Variants in NASP observed in about 807,000 individuals in gnomAD.
NASP encodes NASP histone chaperone.
Under a neutral mutation model 89.5 loss-of-function variants are expected in NASP, and 24 were observed. The observed-to-expected ratio is 0.27, with a 90% CI of 0.19 to 0.38. The LOEUF is 0.38. Ranked by LOEUF, NASP falls within the 10% of genes least tolerant of loss-of-function variation. The probability of loss-of-function intolerance (pLI) is 1.00; values close to 1 mark genes in which losing one functional copy is unlikely to be tolerated. For missense variants in NASP, 848 were observed against 921.4 expected (o/e 0.92, Z 1.03); for synonymous variants, 306 against 324.7 (o/e 0.94, Z 0.62).
intron 12 of NASP, 89 bp from the exon 13 acceptor site, chr1:45,616,537 C>T: frequency 6.6e-7 from 1 of 1,515,832 alleles, no homozygotes; most frequent in East Asian, 2.3e-5. Context: ...ATAGTGAGAC[C>T]TTGTCTCTGA....
At chr1:45,585,082 A>G (rs1644511884) in intron 1 of NASP, among the ~76,000 whole-genome samples, 1 of 152,232 alleles carries the variant, frequency 6.6e-6, no homozygotes, top group Non-Finnish European at 1.5e-5. Flanking sequence ...GAAGTGGAGA[A>G]GGACTGGAGG....
chr1:45,587,795 G>A (rs1644578731), intron 1 of NASP, among the ~76,000 whole-genome samples: 1 of 150,606 alleles, frequency 6.6e-6, no homozygotes, highest in South Asian at 2.1e-4. Context: ...CGATTCTTGT[G>A]CATCAGCCTC....
At chr1:45,596,346 T>TA (rs933024427) in intron 2 of NASP, among the ~76,000 whole-genome samples, 3 of 152,190 alleles carry the variant, frequency 2.0e-5, no homozygotes, top group Non-Finnish European at 4.4e-5. Flanking sequence ...CTGAAACTAT[T>TA]ACCCAGTAAA....
In NASP at chr1:45,617,459, T is replaced by G; in HGVS notation, c.2158-4T>G. ...TTGTGAAGCCTTCACAATTATATCT[T>G]TAGAGGAAACCAGAGGAAGAGAGTC... On this transcript the variant is annotated splice_region_variant and splice_polypyrimidine_tract_variant and intron_variant, in intron 13 of 14. Transcript: ENST00000350030. The G allele has an allele frequency of 6.2e-7, 1 of 1,611,882 alleles. No individual in the cohort carries two copies. The highest frequency in any genetic ancestry group is 8.5e-7 in the Non-Finnish European group (1 of 1,179,468).
At chr1:45,613,460 C>CTGTA (rs1644051344) in intron 7 of NASP, among the ~76,000 whole-genome samples, 1 of 152,120 alleles carries the variant, frequency 6.6e-6, no homozygotes, top group African/African-American at 2.4e-5. Context: ...GTTTGCAGGA[C>CTGTA]TGTAGCTTAC....
rs757067875 is a variant in NASP at position 45,607,423 on chromosome 1, A to G, written c.512A>G (p.Asp171Gly). 8 of 1,613,962 alleles carry G rather than the reference A, an allele frequency of 5.0e-6. No homozygotes were observed. Among genetic ancestry groups the G allele is most frequent in the Non-Finnish European group, 6.8e-6 (8 of 1,179,962 alleles). The change falls in exon 6 of 15, where the codon GAT becomes GGT. Residue 171 changes from aspartate (D) to glycine (G), a missense_variant. Physicochemically the swap from Asp to Gly is moderately conservative, Grantham distance 94. Coordinates refer to ENST00000350030, the MANE Select transcript of NASP (RefSeq NM_002482.4). ...AAGTCTTTGGCAAAGCCTGAAACTG[A>G]TAAAGAACAGGACAGTGAAATGGAG... ...EDKSLAKPETDKEQDSEMEKG... is the reference protein window; with the variant it reads ...EDKSLAKPETGKEQDSEMEKG...
chr1:45,590,377 A>T (rs1361546330), intron 1 of NASP, among the ~76,000 whole-genome samples: 2 of 151,900 alleles, frequency 1.3e-5, no homozygotes, highest in African/African-American at 4.8e-5. Flanking sequence ...CCCTGTCTCT[A>T]CTAAAAATAC....
intron 3 of NASP, among the ~76,000 whole-genome samples, chr1:45,604,403 G>A (rs1409000774): frequency 1.3e-5 from 2 of 152,106 alleles, no homozygotes; most frequent in Non-Finnish European, 2.9e-5. Context: ...TTTAGTTCTT[G>A]CAATAGCTCT....
chr1:45,606,105 C>T (rs545449866), intron 4 of NASP, among the ~76,000 whole-genome samples: 36 of 152,260 alleles, frequency 2.4e-4, no homozygotes, highest in African/African-American at 7.7e-4. Context: ...CGTAATCATA[C>T]AGAACTTTCT....
chr1:45,599,774 ATCTT>A (rs776842137), intron 2 of NASP, among the ~76,000 whole-genome samples: 25 of 152,018 alleles, frequency 1.6e-4, no homozygotes, highest in Non-Finnish European at 2.9e-4. Context: ...TTCTTGTTCT[ATCTT>A]AAAGTCTATA....
At chr1:45,602,470 A>C in intron 3 of NASP, 105 bp downstream of exon 3, 2 of 1,105,536 alleles carry the variant, frequency 1.8e-6, no homozygotes, top group Non-Finnish European at 2.6e-6. Flanking sequence ...AGAGTTTTAA[A>C]ACATTTGATT....
intron 1 of NASP, among the ~76,000 whole-genome samples, chr1:45,585,548 A>G (rs1644521436): frequency 6.6e-6 from 1 of 152,200 alleles, no homozygotes; most frequent in Non-Finnish European, 1.5e-5. Context: ...CATTGATTCG[A>G]TATAAGCAGT....
chr1:45,612,962 A>G (rs1031703294), intron 6 of NASP: 23 of 550,428 alleles, frequency 4.2e-5, no homozygotes, highest in Non-Finnish European at 4.7e-5. Flanking sequence ...GGTCTGACCC[A>G]TAGACTAAGA....
At chr1:45,604,157 T>C (rs1016517446) in intron 3 of NASP, among the ~76,000 whole-genome samples, 2 of 152,202 alleles carry the variant, frequency 1.3e-5, no homozygotes, top group African/African-American at 4.8e-5. Flanking sequence ...CTAGTTACTC[T>C]CAATAGACTC....
In NASP at chr1:45,618,499, C is replaced by T. The variant is rs1003336118; in HGVS notation, c.*358C>T. 5.6e-6 allele frequency: 1 copy of T among 179,916 alleles called. No homozygotes were observed. Among genetic ancestry groups the T allele is most frequent in the East Asian group, 1.4e-4 (1 of 7,138 alleles). 11.1% of individuals were successfully genotyped at this position (179,916 alleles called of 1,614,324 possible). A position where few individuals can be genotyped will look rare whatever the true frequency, so the allele number is the denominator to read the frequency against. On this transcript the variant is annotated 3_prime_UTR_variant, in exon 15 of 15. Coordinates refer to ENST00000350030, the MANE Select transcript of NASP (RefSeq NM_002482.4). Reference sequence around the variant, plus strand: ...CTTGCAAACTTTCAGTGGTGCTGTCCCTGGATGGGGGCTACAAAAACAAGA... The same window carrying T: ...CTTGCAAACTTTCAGTGGTGCTGTCTCTGGATGGGGGCTACAAAAACAAGA...
In NASP at chr1:45,607,098, A is replaced by G. The variant is rs80348678; in HGVS notation, c.410-223A>G. ...CTGGTAATCAGAATGCTCAAGTAAA[A>G]CAATACCTAGTGTAACAAGCTTGGG... On this transcript the variant is annotated intron_variant, in intron 5 of 14. Coordinates refer to ENST00000350030, the MANE Select transcript of NASP (RefSeq NM_002482.4). 3.0e-3 allele frequency among the ~76,000 whole-genome samples: 458 copies of G among 152,332 alleles called. 4 individuals carry two copies. The highest frequency in any genetic ancestry group is 0.022 in the East Asian group (115 of 5,180).
At chr1:45,613,385 G>A in intron 7 of NASP, 137 bp downstream of exon 7, 3 of 992,110 alleles carry the variant, frequency 3.0e-6, no homozygotes, top group Non-Finnish European at 4.2e-6. Flanking sequence ...CCGGGCTTAA[G>A]TGATCGCCTC....
chr1:45,586,280 GTGTGGTGTGT>G (rs1323246339), intron 1 of NASP, among the ~76,000 whole-genome samples: 2 of 45,626 alleles, frequency 4.4e-5, no homozygotes, highest in African/African-American at 1.4e-4. Context: ...GTGTGTGTGT[GTGTGGTGTGT>G]GTGTGTGTGT....
chr1:45,616,261 G>T, intron 11 of NASP, 76 bp from the exon 12 acceptor site: 1 of 1,329,516 alleles, frequency 7.5e-7, no homozygotes. Context: ...TTTGGATGGT[G>T]ATGGGTTCCT....
Sources: allele counts gnomAD v4.1 joint callset (sites outside exome capture counted in the v4.1 genomes callset), GRCh38; gene constraint gnomAD v4.1.1; transcripts MANE v1.5; gene names NCBI Gene and HGNC (gene_info 2026-07-23, HGNC 2026-07-21).